Variants in PITPNC1 observed in about 807,000 individuals in gnomAD.
PITPNC1 encodes cytoplasmic phosphatidylinositol transfer protein 1.
Under a neutral mutation model 44.7 loss-of-function variants are expected in PITPNC1, and 18 were observed. That is an observed-to-expected ratio of 0.40 (90% CI 0.28 to 0.60). The LOEUF (loss-of-function observed/expected upper bound fraction) is 0.60. Among genes scored for constraint, PITPNC1 ranks in the 20% least tolerant of loss-of-function variants. PITPNC1 has a pLI of 0.39. For missense variants in PITPNC1, 290 were observed against 418.4 expected (o/e 0.69, Z 2.68); for synonymous variants, 141 against 149.6 (o/e 0.94, Z 0.42).
chr17:67,587,892 A>G (rs906586319), intron 5 of PITPNC1, among the ~76,000 whole-genome samples: 9 of 152,196 alleles, frequency 5.9e-5, no homozygotes, highest in African/African-American at 1.9e-4. Context: ...CTTCCTGACT[A>G]CAAGTAGCTT....
rs2042478618 is a variant in PITPNC1, at chr17:67,669,570, T to C, written c.525T>C (p.Asp175=). The C allele has an allele frequency of 6.2e-7, 1 of 1,607,766 alleles. No homozygotes were observed. The highest frequency in any genetic ancestry group is 8.5e-7 in the Non-Finnish European group (1 of 1,175,326). ...GACAGTTGAGGGAAGGCTGGAGAGA[T>C]AGTCATCAGCCTATCATGTGCTCCT... ...GRGQLREGWR[D]SHQPIMCSYK... The change falls in exon 7 of 9, where the codon GAT becomes GAC. Residue 175 remains aspartate, a synonymous_variant. Transcript: ENST00000581322.
chr17:67,589,353 C>T (rs1207530875), intron 5 of PITPNC1, among the ~76,000 whole-genome samples: 1 of 152,218 alleles, frequency 6.6e-6, no homozygotes, highest in Non-Finnish European at 1.5e-5. Flanking sequence ...TAGTAGAAGA[C>T]AGCTTAAAGT....
chr17:67,581,550 G>A (rs1373694875), intron 5 of PITPNC1, among the ~76,000 whole-genome samples: 1 of 152,136 alleles, frequency 6.6e-6, no homozygotes, highest in Non-Finnish European at 1.5e-5. Flanking sequence ...TGGCCCAGTT[G>A]CCACCCCCTG....
chr17:67,386,129 A>G (rs774834749), intron 1 of PITPNC1, among the ~76,000 whole-genome samples: 3 of 152,218 alleles, frequency 2.0e-5, no homozygotes, highest in Non-Finnish European at 4.4e-5. Flanking sequence ...TATTCATTTC[A>G]GTAAGGCTGT....
At chr17:67,552,195 TGTG>T in intron 2 of PITPNC1, 59 bp from the exon 3 acceptor site, 1 of 823,702 alleles carries the variant, frequency 1.2e-6, no homozygotes, top group South Asian at 1.3e-5. Flanking sequence ...TCCAGAAAGA[TGTG>T]GTAGTGTGGT....
At chr17:67,395,641 T>A (rs2038208291) in intron 1 of PITPNC1, among the ~76,000 whole-genome samples, 1 of 152,196 alleles carries the variant, frequency 6.6e-6, no homozygotes. Flanking sequence ...AAAAGACTGA[T>A]GTGGCCCTTA....
intron 6 of PITPNC1, among the ~76,000 whole-genome samples, chr17:67,664,129 A>G (rs1044604883): frequency 6.6e-6 from 1 of 151,960 alleles, no homozygotes; most frequent in Non-Finnish European, 1.5e-5. Flanking sequence ...ACGCCCAGCT[A>G]AATTTTTGCA....
intron 1 of PITPNC1, among the ~76,000 whole-genome samples, chr17:67,396,907 A>C (rs1389437756): frequency 6.6e-6 from 1 of 152,100 alleles, no homozygotes; most frequent in African/African-American, 2.4e-5. Flanking sequence ...CTCCTGCCTC[A>C]TCCTCCCAAA....
chr17:67,628,223 C>T (rs9910912), intron 5 of PITPNC1, among the ~76,000 whole-genome samples: 2,380 of 152,120 alleles, frequency 0.016, 63 homozygotes, highest in African/African-American at 0.054. Context: ...TCTTTTCTTT[C>T]TTTTGCAGCA....
chr17:67,568,758 G>A (rs1403236198), intron 4 of PITPNC1, among the ~76,000 whole-genome samples: 2 of 152,110 alleles, frequency 1.3e-5, no homozygotes, highest in African/African-American at 2.4e-5. Flanking sequence ...TCGGGAGAGA[G>A]GCCTGGAATC....
chr17:67,403,394 A>G (rs2143826356), intron 1 of PITPNC1, among the ~76,000 whole-genome samples: 1 of 152,296 alleles, frequency 6.6e-6, no homozygotes, highest in Middle Eastern at 3.4e-3. Flanking sequence ...ATATTTTGAG[A>G]AACAGTTTAA....
chr17:67,651,671 A>G (rs533455741), intron 6 of PITPNC1, among the ~76,000 whole-genome samples: 1 of 152,238 alleles, frequency 6.6e-6, no homozygotes, highest in South Asian at 2.1e-4. Flanking sequence ...AAGAAACCTC[A>G]TATGTTTTAG....
chr17:67,646,371 G>A (rs1192663540), intron 6 of PITPNC1, among the ~76,000 whole-genome samples: 2 of 152,160 alleles, frequency 1.3e-5, no homozygotes, highest in Admixed American at 6.5e-5. Flanking sequence ...GAAAGAATAA[G>A]TGTTATTAAG....
At chr17:67,629,093 A>T (rs1208777609) in intron 5 of PITPNC1, among the ~76,000 whole-genome samples, 2 of 152,182 alleles carry the variant, frequency 1.3e-5, no homozygotes, top group African/African-American at 4.8e-5. Context: ...AATCGGAGAA[A>T]GCTACATAAC....
intron 5 of PITPNC1, among the ~76,000 whole-genome samples, chr17:67,608,247 C>CAA (rs775389038): frequency 1.8e-5 from 2 of 113,760 alleles, no homozygotes; most frequent in Non-Finnish European, 3.7e-5. Flanking sequence ...AAAAAAAAAA[C>CAA]AAAAAAAAAC....
At chr17:67,497,325 C>G (rs989016883) in intron 1 of PITPNC1, among the ~76,000 whole-genome samples, 1 of 151,418 alleles carries the variant, frequency 6.6e-6, no homozygotes, top group Non-Finnish European at 1.5e-5. Flanking sequence ...GCCTCAGCCT[C>G]CCGAGTAGCT....
chr17:67,675,628 A>T, intron 8 of PITPNC1, 86 bp downstream of exon 8: 1 of 873,100 alleles, frequency 1.1e-6, no homozygotes, highest in Non-Finnish European at 2.0e-6. Flanking sequence ...TGCTACCTAG[A>T]AGGACAACAA....
At chr17:67,464,579 T>C (rs541980796) in intron 1 of PITPNC1, among the ~76,000 whole-genome samples, 57 of 152,310 alleles carry the variant, frequency 3.7e-4, no homozygotes, top group South Asian at 1.0e-3. Context: ...CGTAAAAATC[T>C]TTCAACACTG....
chr17:67,624,991 G>T (rs1314681500), intron 5 of PITPNC1, among the ~76,000 whole-genome samples: 1 of 152,030 alleles, frequency 6.6e-6, no homozygotes, highest in Non-Finnish European at 1.5e-5. Context: ...ATTCAGATTT[G>T]CCTTCCCCAT....
Sources: allele counts gnomAD v4.1 joint callset (sites outside exome capture counted in the v4.1 genomes callset), GRCh38; gene constraint gnomAD v4.1.1; transcripts MANE v1.5; gene names NCBI Gene and HGNC (gene_info 2026-07-23, HGNC 2026-07-21).